The following POLR1B variants were observed in gnomAD, a reference collection of about 807,000 sequenced individuals.
The protein encoded by POLR1B is RNA polymerase I subunit B, also known as DNA-directed RNA polymerase I subunit RPA2.
Under a neutral mutation model 105.8 loss-of-function variants are expected in POLR1B, and 30 were observed. That is an observed-to-expected ratio of 0.28 (90% confidence interval 0.21 to 0.38). The LOEUF is 0.38. POLR1B is among the 10% of genes least tolerant of loss of function. The pLI, the probability that POLR1B is intolerant of heterozygous loss-of-function variation, is 1.00. For synonymous variants in POLR1B, 485 were observed against 505.1 expected, an observed-to-expected ratio of 0.96 and a Z score of 0.53; for missense variants, 976 against 1,435.8, an observed-to-expected ratio of 0.68 and a Z score of 5.17.
chr2:112,552,982 C>T (rs1683452391), intron 7 of POLR1B, among the ~76,000 whole-genome samples, 166 bp downstream of exon 7: 1 of 152,196 alleles, frequency 6.6e-6, no homozygotes, highest in African/African-American at 2.4e-5. Flanking sequence ...GAAATCCTGG[C>T]TTACACCAGG....
At chr2:112,552,408 T>A (rs1558655884) in intron 6 of POLR1B, among the ~76,000 whole-genome samples, 1 of 152,218 alleles carries the variant, frequency 6.6e-6, no homozygotes, top group Non-Finnish European at 1.5e-5. Flanking sequence ...GGACTTTGTC[T>A]TATATAACCA....
At chr2:112,549,978 TATCA>T (rs752721002) in intron 4 of POLR1B, among the ~76,000 whole-genome samples, 7 of 152,246 alleles carry the variant, frequency 4.6e-5, no homozygotes, top group Non-Finnish European at 8.8e-5. Flanking sequence ...ATATGATTTT[TATCA>T]ATCATAAGCA....
chr2:112,563,345 A>G (rs902334986), intron 9 of POLR1B, among the ~76,000 whole-genome samples: 2 of 152,022 alleles, frequency 1.3e-5, no homozygotes, highest in East Asian at 1.9e-4. Flanking sequence ...GTGAGCCACC[A>G]CGCCTGGCCT....
At chr2:112,572,375 C>T (rs1684639261) in intron 12 of POLR1B, among the ~76,000 whole-genome samples, 187 bp from the exon 13 acceptor site, 1 of 152,162 alleles carries the variant, frequency 6.6e-6, no homozygotes, top group Non-Finnish European at 1.5e-5. Flanking sequence ...GGTCTGGTCA[C>T]GTTGATACAT....
intron 2 of POLR1B, 103 bp from the exon 3 acceptor site, chr2:112,547,318 A>G (rs1017729016): frequency 1.0e-5 from 15 of 1,490,864 alleles, no homozygotes; most frequent in Non-Finnish European, 1.4e-5. Context: ...CTAAGGCATA[A>G]AATAATTTAA....
rs371911889 is a variant in POLR1B at position 112,557,353 on chromosome 2, T to C, written c.1159-557T>C. Among the ~76,000 whole-genome samples, 3 of 152,342 alleles carry C rather than the reference T, an allele frequency of 2.0e-5. 1 individual carries two copies. Among genetic ancestry groups the C allele is most frequent in the African/African-American group, 2.4e-5 (1 of 41,584 alleles). ...AGGCTGCTTTAGGCTTTTCACTTAG[T>C]GTTGGCAGCATAGATTAAGATGGAC... On this transcript the variant is annotated intron_variant, in intron 7 of 14. Coordinates refer to ENST00000263331, the MANE Select transcript of POLR1B (RefSeq NM_019014.6).
Position 112,557,920 on chromosome 2 carries a change from A to G in POLR1B, c.1169A>G (p.Glu390Gly). ...TTTTCCTTATTTCAGGAAAAACTGG[A>G]AGGTTGGTTAGTGTCTATTAAAATA... Reference protein sequence around the residue: ...LFLMFLKEKLEGWLVSIKIAF... With the variant: ...LFLMFLKEKLGGWLVSIKIAF... Residue 390 changes from glutamate (E) to glycine (G), a missense_variant, in exon 8 of 15, where the codon GAA becomes GGA. Glu to Gly is a moderately conservative substitution (Grantham distance 98). Around this residue, in one of 12 missense-constraint regions of POLR1B, gnomAD observed 452 missense variants for 616.5 expected, o/e 0.73. Transcript: ENST00000263331. The G allele has an allele frequency of 7.5e-7, 1 of 1,325,124 alleles. No homozygotes were observed. Among genetic ancestry groups the G allele is most frequent in the Admixed American group, 3.2e-5 (1 of 31,336 alleles). The allele number at this position is 1,325,124 out of a possible 1,614,324, so 82.1% of individuals were successfully genotyped here.
intron 13 of POLR1B, among the ~76,000 whole-genome samples, chr2:112,573,275 G>A (rs535346528): frequency 2.6e-5 from 4 of 152,120 alleles, no homozygotes; most frequent in East Asian, 3.9e-4. Flanking sequence ...GCTAATTTTC[G>A]TGTTTTTAGT....
chr2:112,555,700 C>T (rs1683623722), intron 7 of POLR1B, among the ~76,000 whole-genome samples: 1 of 152,176 alleles, frequency 6.6e-6, no homozygotes, highest in Non-Finnish European at 1.5e-5. Context: ...ACTAAGGTGA[C>T]CTGTGTCAGC....
chr2:112,545,789 A>G (rs1361755160), intron 1 of POLR1B: 2 of 358,578 alleles, frequency 5.6e-6, no homozygotes, highest in African/African-American at 2.2e-5. Flanking sequence ...ACAGGCGTGC[A>G]CCACTATGCC....
intron 7 of POLR1B, chr2:112,554,563 A>G (rs1683548368): frequency 6.6e-6 from 1 of 151,388 alleles, no homozygotes; most frequent in African/African-American, 2.4e-5. Context: ...CCTGACAAAA[A>G]TTGAAAGCAG....
intron 9 of POLR1B, among the ~76,000 whole-genome samples, chr2:112,563,238 A>G (rs909650496): frequency 6.7e-6 from 1 of 150,102 alleles, no homozygotes; most frequent in Non-Finnish European, 1.5e-5. Context: ...TGTATTTTTT[A>G]TAGAGACGGG....
intron 13 of POLR1B, 146 bp downstream of exon 13, chr2:112,572,904 A>G: frequency 3.0e-6 from 2 of 667,758 alleles, no homozygotes; most frequent in Non-Finnish European, 4.7e-6. Flanking sequence ...TTCTTAGTCT[A>G]AGTTGAAAGT....
chr2:112,562,128 C>T (rs1006417048), intron 9 of POLR1B, among the ~76,000 whole-genome samples: 2 of 152,094 alleles, frequency 1.3e-5, no homozygotes, highest in Non-Finnish European at 2.9e-5. Context: ...ACTTCAGCTG[C>T]GGGGAGCATC....
chr2:112,573,291 T>TG (rs1370555085), intron 13 of POLR1B, among the ~76,000 whole-genome samples: 1 of 152,076 alleles, frequency 6.6e-6, no homozygotes, highest in Non-Finnish European at 1.5e-5. Context: ...TTAGTAGAGA[T>TG]GGGGTTTCAC....
Position 112,547,781 on chromosome 2 carries a change from G to A in POLR1B, c.492+214G>A, listed in dbSNP as rs60300136. Among the ~76,000 whole-genome samples, 7,432 of 152,036 alleles carry A rather than the reference G, an allele frequency of 0.049. 584 individuals carry two copies. Among genetic ancestry groups the A allele is most frequent in the African/African-American group, 0.17 (7,008 of 41,458 alleles). On this transcript the variant is annotated intron_variant, in intron 3 of 14. Coordinates refer to ENST00000263331, the MANE Select transcript of POLR1B (RefSeq NM_019014.6). Reference sequence around the variant, plus strand: ...GTAAAATTAGAGAATATTATTGTTCGGGGGGAAGAACTGGTAGGTTTTTCC... The same window carrying A: ...GTAAAATTAGAGAATATTATTGTTCAGGGGGAAGAACTGGTAGGTTTTTCC...
At chr2:112,544,235 A>T (rs760729154) in intron 1 of POLR1B, among the ~76,000 whole-genome samples, 9 of 152,154 alleles carry the variant, frequency 5.9e-5, no homozygotes, top group Non-Finnish European at 1.3e-4. Flanking sequence ...GTTCCAGACC[A>T]GCCTGGCCAA....
intron 7 of POLR1B, chr2:112,553,694 T>C (rs1683495005): frequency 1.3e-5 from 2 of 152,186 alleles, no homozygotes; most frequent in African/African-American, 4.8e-5. Context: ...TAACAAGGTA[T>C]GTTAAATAAG....
chr2:112,559,158 A>C, intron 8 of POLR1B, 135 bp from the exon 9 acceptor site: 2 of 1,101,640 alleles, frequency 1.8e-6, no homozygotes, highest in South Asian at 1.5e-5. Context: ...CACTCATCAG[A>C]GCTAGGAGAA....
Sources: gnomAD v4.1 joint callset for allele counts (sites outside exome capture counted in the v4.1 genomes callset) on GRCh38, gnomAD v4.1.1 for gene constraint, gnomAD v4.1.1 regional missense constraint, MANE v1.5 for transcripts, NCBI Gene and HGNC (gene_info 2026-07-23, HGNC 2026-07-21) for gene names.